The following CDS1 variants were observed in gnomAD, a reference collection of about 807,000 sequenced individuals.
The protein encoded by CDS1 is CDP-diacylglycerol synthase 1, also known as phosphatidate cytidylyltransferase 1.
In CDS1, 41 loss-of-function variants were observed where a neutral mutation model predicts 62.1. The ratio of observed to expected loss-of-function variants is 0.66; its 90% CI spans 0.51 to 0.86. The LOEUF (loss-of-function observed/expected upper bound fraction) is 0.86. Among genes scored for constraint, CDS1 ranks in the 40% least tolerant of loss-of-function variants. The probability of loss-of-function intolerance (pLI) is 0.00; values close to 1 mark genes in which losing one functional copy is unlikely to be tolerated. For synonymous variants in CDS1, 185 were observed against 192.6 expected (o/e 0.96, Z 0.32); for missense variants, 470 against 550.1 (o/e 0.85, Z 1.46).
chr4:84,601,933 G>GCATACATA (rs58079633), intron 1 of CDS1, among the ~76,000 whole-genome samples: 3 of 151,174 alleles, frequency 2.0e-5, no homozygotes, highest in Admixed American at 6.6e-5. Flanking sequence ...ATACATACAT[G>GCATACATA]CATACATACA....
intron 3 of CDS1, among the ~76,000 whole-genome samples, chr4:84,613,213 A>G (rs1723382640): frequency 1.3e-5 from 2 of 152,118 alleles, no homozygotes; most frequent in Non-Finnish European, 2.9e-5. Flanking sequence ...TCCTATTCTT[A>G]ACTAGATCAT....
intron 4 of CDS1, among the ~76,000 whole-genome samples, chr4:84,618,103 G>A (rs896191567): frequency 6.6e-6 from 1 of 151,942 alleles, no homozygotes; most frequent in Admixed American, 6.6e-5. Context: ...TCACCATAAT[G>A]ATATTAACAT....
chr4:84,585,846 A>G (rs1722400331), intron 1 of CDS1, among the ~76,000 whole-genome samples: 1 of 152,148 alleles, frequency 6.6e-6, no homozygotes, highest in Admixed American at 6.6e-5. Context: ...ATGACAAGGG[A>G]CATCTTCAAG....
In CDS1 at chr4:84,648,787, G is replaced by T; in HGVS notation, c.*101G>T. 3.4e-6 allele frequency: 4 copies of T among 1,188,020 alleles called. No homozygotes were observed. Among genetic ancestry groups the T allele is most frequent in the Non-Finnish European group, 4.6e-6 (4 of 860,808 alleles). The allele number at this position is 1,188,020 out of a possible 1,614,324, so 73.6% of individuals were successfully genotyped here. On this transcript the variant is annotated 3_prime_UTR_variant, in exon 13 of 13. Transcript: ENST00000295887. ...AGAAAAATAGTTAAAAATGCAATAG[G>T]TTGAAGTTTTGGAGATATGTTTCTC...
chr4:84,612,717 G>A (rs1264596705), intron 3 of CDS1, among the ~76,000 whole-genome samples: 1 of 152,130 alleles, frequency 6.6e-6, no homozygotes, highest in Non-Finnish European at 1.5e-5. Flanking sequence ...CTGGCCAGGT[G>A]CGGTGGCTGA....
intron 2 of CDS1, among the ~76,000 whole-genome samples, chr4:84,608,928 C>G (rs1464786558): frequency 6.6e-6 from 1 of 151,848 alleles, no homozygotes; most frequent in Non-Finnish European, 1.5e-5. Context: ...CCTGTAATCC[C>G]AGCACTTTGG....
intron 5 of CDS1, among the ~76,000 whole-genome samples, chr4:84,630,539 G>A (rs182164757): frequency 6.2e-4 from 94 of 152,246 alleles, no homozygotes; most frequent in Non-Finnish European, 9.1e-4. Context: ...TTACTCTACT[G>A]GTAGAATTGC....
rs770946249 is a variant in CDS1 at position 84,631,770 on chromosome 4, C to G, written c.581-49C>G. On this transcript the variant is annotated intron_variant, in intron 5 of 12. Coordinates refer to ENST00000295887, the MANE Select transcript of CDS1 (RefSeq NM_001263.4). ...TTATTTGGGCTCAAGGAATCTTAAC[C>G]CTTTGTACCAAATTGTACAACGAGC... 3 of 1,494,938 alleles carry G rather than the reference C, an allele frequency of 2.0e-6. No homozygotes were observed. In the Admixed American group the frequency reaches 5.0e-5, roughly 25 times the overall value. The allele number at this position is 1,494,938 out of a possible 1,614,324, so 92.6% of individuals were successfully genotyped here.
intron 11 of CDS1, among the ~76,000 whole-genome samples, chr4:84,643,670 A>G (rs146204901): frequency 4.7e-4 from 71 of 152,348 alleles, no homozygotes; most frequent in African/African-American, 1.5e-3. Flanking sequence ...CCCGTGGACA[A>G]TATGTCAATG....
At chr4:84,598,021 G>A (rs1210247905) in intron 1 of CDS1, among the ~76,000 whole-genome samples, 1 of 151,830 alleles carries the variant, frequency 6.6e-6, no homozygotes, top group Non-Finnish European at 1.5e-5. Context: ...AGCTACTCGG[G>A]AGGCTGAGGG....
At chr4:84,596,675 T>G (rs1722762171) in intron 1 of CDS1, among the ~76,000 whole-genome samples, 1 of 152,144 alleles carries the variant, frequency 6.6e-6, no homozygotes, top group Admixed American at 6.5e-5. Context: ...ACCAACATCT[T>G]CACATGTTCT....
intron 9 of CDS1, among the ~76,000 whole-genome samples, chr4:84,639,377 A>T (rs1724312462): frequency 6.6e-6 from 1 of 152,212 alleles, no homozygotes; most frequent in South Asian, 2.1e-4. Context: ...ATAGCAGAGG[A>T]TGCAAATACT....
chr4:84,617,544 A>T lies in CDS1; in HGVS notation c.343-20A>T, dbSNP rs1391602845. Reference sequence around the variant, plus strand: ...TGTAAACATTGAGAAATGTATGTTAATGTTTTCTCTTGGTTTCAGGTTCTG... The same window carrying T: ...TGTAAACATTGAGAAATGTATGTTATTGTTTTCTCTTGGTTTCAGGTTCTG... On this transcript the variant is annotated intron_variant, in intron 3 of 12. Coordinates refer to ENST00000295887, the MANE Select transcript of CDS1 (RefSeq NM_001263.4). 8.3e-7 allele frequency: 1 copy of T among 1,206,720 alleles called. No homozygotes were observed. Among genetic ancestry groups the T allele is most frequent in the Non-Finnish European group, 1.2e-6 (1 of 813,514 alleles). 74.8% of individuals were successfully genotyped at this position (1,206,720 alleles called of 1,614,324 possible).
chr4:84,583,577 G>A, intron 1 of CDS1, 59 bp downstream of exon 1: 1 of 1,056,818 alleles, frequency 9.5e-7, no homozygotes, highest in Non-Finnish European at 1.3e-6. Context: ...TTGGAAGCGG[G>A]ACACTTGAGA....
At chr4:84,626,192 A>C (rs770511735) in intron 5 of CDS1, among the ~76,000 whole-genome samples, 26 of 152,214 alleles carry the variant, frequency 1.7e-4, no homozygotes, top group Middle Eastern at 3.4e-3. Flanking sequence ...AACAAACAAA[A>C]AAAACATAGA....
At chr4:84,606,324 G>A (rs368923100) in intron 2 of CDS1, among the ~76,000 whole-genome samples, 1 of 150,090 alleles carries the variant, frequency 6.7e-6, no homozygotes, top group African/African-American at 2.5e-5. Context: ...GTGTGTGTGT[G>A]TGTGTGTATG....
intron 8 of CDS1, among the ~76,000 whole-genome samples, chr4:84,638,536 G>T (rs139275131): frequency 3.3e-5 from 5 of 152,162 alleles, no homozygotes; most frequent in Admixed American, 3.3e-4. Context: ...TACTTGGAAT[G>T]AATACGTCTC....
rs1378234329 is a variant in CDS1, at chr4:84,629,783, A to G, written c.581-2036A>G. Among the ~76,000 whole-genome samples, 5 of 152,344 alleles carry G rather than the reference A, an allele frequency of 3.3e-5. No individual in the cohort carries two copies. In the East Asian group the frequency reaches 5.8e-4, roughly 18 times the overall value. On this transcript the variant is annotated intron_variant, in intron 5 of 12. Coordinates refer to ENST00000295887, the MANE Select transcript of CDS1 (RefSeq NM_001263.4). ...TTGGATTATGTAAACGTGAGTTGCC[A>G]AGGTTGTCCTGGATAAAATGTCCAT...
intron 3 of CDS1, among the ~76,000 whole-genome samples, chr4:84,614,979 A>G (rs1019009633): frequency 4.6e-5 from 7 of 152,176 alleles, no homozygotes; most frequent in African/African-American, 1.4e-4. Context: ...GCAGCCACCA[A>G]GTAAAACTGG....
Sources: allele counts gnomAD v4.1 joint callset (sites outside exome capture counted in the v4.1 genomes callset), GRCh38; gene constraint gnomAD v4.1.1; transcripts MANE v1.5; gene names NCBI Gene and HGNC (gene_info 2026-07-23, HGNC 2026-07-21).